GPM6A: variants seen among roughly 807,000 people sequenced by gnomAD.
GPM6A encodes the protein neuronal membrane glycoprotein M6-a.
A neutral mutation model predicts 32.1 loss-of-function variants in GPM6A; 7 were observed. That is an observed-to-expected ratio of 0.22 (90% CI 0.12 to 0.41). The LOEUF (loss-of-function observed/expected upper bound fraction) is 0.41, where lower values mean the gene tolerates loss of function less well. GPM6A is among the 10% of genes least tolerant of loss of function. The pLI is 1.00. For synonymous variants in GPM6A, 130 were observed against 123.4 expected (o/e 1.05, Z -0.35); for missense variants, 235 against 347.2 (o/e 0.68, Z 2.57).
intron 1 of GPM6A, among the ~76,000 whole-genome samples, chr4:175,973,880 G>C (rs1740581273): frequency 6.6e-6 from 1 of 151,786 alleles, no homozygotes; most frequent in Non-Finnish European, 1.5e-5. Context: ...TTTTTCACCA[G>C]CTTTTATTGC....
At chr4:175,699,672 T>C (rs989406787) in intron 2 of GPM6A, among the ~76,000 whole-genome samples, 2 of 152,018 alleles carry the variant, frequency 1.3e-5, no homozygotes, top group African/African-American at 2.4e-5. Flanking sequence ...GGGGACTGGG[T>C]TTTCTCAATC....
At chr4:175,899,959 C>T (rs1330022715) in intron 1 of GPM6A, among the ~76,000 whole-genome samples, 2 of 152,008 alleles carry the variant, frequency 1.3e-5, no homozygotes, top group Non-Finnish European at 2.9e-5. Context: ...AAGATATTTG[C>T]AAACTACCCA....
intron 1 of GPM6A, among the ~76,000 whole-genome samples, chr4:175,849,273 G>A (rs773312460): frequency 4.6e-5 from 7 of 152,176 alleles, no homozygotes; most frequent in Non-Finnish European, 1.0e-4. Context: ...ATGGGGCCTT[G>A]TGACTAATTC....
intron 3 of GPM6A, among the ~76,000 whole-genome samples, chr4:175,661,522 G>A (rs1387830545): frequency 6.6e-6 from 1 of 151,922 alleles, no homozygotes; most frequent in African/African-American, 2.4e-5. Flanking sequence ...AGAAGGCCAT[G>A]CTAAAATGTA....
At chr4:175,638,108 A>G (rs1740921190) in intron 6 of GPM6A, among the ~76,000 whole-genome samples, 1 of 150,416 alleles carries the variant, frequency 6.6e-6, no homozygotes, top group South Asian at 2.1e-4. Context: ...AGGACTTCCT[A>G]ACTTCTCTAC....
chr4:175,766,113 A>T (rs1443085149), intron 1 of GPM6A, among the ~76,000 whole-genome samples: 1 of 152,210 alleles, frequency 6.6e-6, no homozygotes, highest in Admixed American at 6.5e-5. Context: ...ATGAGACTGT[A>T]AGCCCAGTGG....
chr4:175,784,630 G>A (rs546214710), intron 1 of GPM6A, among the ~76,000 whole-genome samples: 1 of 152,172 alleles, frequency 6.6e-6, no homozygotes, highest in East Asian at 1.9e-4. Context: ...AATAATGAAT[G>A]TGAATTATAA....
intron 1 of GPM6A, among the ~76,000 whole-genome samples, chr4:175,965,444 A>G (rs1410522551): frequency 6.6e-6 from 1 of 152,188 alleles, no homozygotes; most frequent in Non-Finnish European, 1.5e-5. Flanking sequence ...TAATTAAAGT[A>G]GAATACAAGA....
At chr4:175,671,994 A>AAAAG (rs202122371) in intron 3 of GPM6A, among the ~76,000 whole-genome samples, 60,049 of 147,084 alleles carry the variant, frequency 0.41, 14,782 homozygotes, top group Admixed American at 0.54. Context: ...GAAAAAAAAA[A>AAAAG]AAAGAAAGAA....
At chr4:175,734,210 C>T in intron 1 of GPM6A, among the ~76,000 whole-genome samples, 1 of 150,944 alleles carries the variant, frequency 6.6e-6, no homozygotes, top group Non-Finnish European at 1.5e-5. Flanking sequence ...TTACTTGCAA[C>T]TCTTCAATTT....
At chr4:175,680,740 C>A (rs188521857) in intron 2 of GPM6A, among the ~76,000 whole-genome samples, 3 of 152,232 alleles carry the variant, frequency 2.0e-5, no homozygotes, top group Non-Finnish European at 2.9e-5. Flanking sequence ...TTCATTGGAT[C>A]CTTGATTATC....
chr4:175,863,817 C>A (rs944862547), intron 1 of GPM6A, among the ~76,000 whole-genome samples: 3 of 152,046 alleles, frequency 2.0e-5, no homozygotes, highest in African/African-American at 4.8e-5. Context: ...GCCTGGCCAA[C>A]AAAGTGAAAC....
chr4:175,655,420 C>T (rs75847380), intron 3 of GPM6A, among the ~76,000 whole-genome samples: 480 of 151,926 alleles, frequency 3.2e-3, no homozygotes, highest in Non-Finnish European at 5.8e-3. Context: ...CGTAATCCTA[C>T]GTAGAAAATC....
At chr4:175,909,376 A>G (rs530362572) in intron 1 of GPM6A, among the ~76,000 whole-genome samples, 1 of 152,318 alleles carries the variant, frequency 6.6e-6, no homozygotes, top group Admixed American at 6.5e-5. Flanking sequence ...AGATTTAATC[A>G]TCCCGATAAT....
intron 1 of GPM6A, among the ~76,000 whole-genome samples, chr4:175,823,714 C>T (rs781529685): frequency 2.6e-5 from 4 of 152,138 alleles, no homozygotes; most frequent in South Asian, 2.1e-4. Flanking sequence ...TTTGCTTATA[C>T]GTTAAATTGC....
chr4:175,884,815 T>C (rs781584950), intron 1 of GPM6A, among the ~76,000 whole-genome samples: 1 of 152,142 alleles, frequency 6.6e-6, no homozygotes, highest in Non-Finnish European at 1.5e-5. Flanking sequence ...ATTACAGGGG[T>C]TAGCCACCGT....
At chr4:175,735,789 T>G (rs1052079877) in intron 1 of GPM6A, among the ~76,000 whole-genome samples, 1 of 152,176 alleles carries the variant, frequency 6.6e-6, no homozygotes, top group Non-Finnish European at 1.5e-5. Flanking sequence ...CTCAAACTCC[T>G]GACCTCATGA....
chr4:175,799,998 A>ACTT (rs10688960), intron 1 of GPM6A, among the ~76,000 whole-genome samples: 91,869 of 151,674 alleles, frequency 0.61, 28,087 homozygotes, highest in African/African-American at 0.68. Flanking sequence ...TTTTCATTCA[A>ACTT]CTTGTGGACC....
intron 4 of GPM6A, among the ~76,000 whole-genome samples, chr4:175,644,121 GTTTTTTT>G (rs781755092): frequency 9.1e-6 from 1 of 110,380 alleles, no homozygotes; most frequent in African/African-American, 3.4e-5. Context: ...TTTTCCGTTT[GTTTTTTT>G]TTTTTTTTTT....
Sources: allele counts gnomAD v4.1 joint callset (sites outside exome capture counted in the v4.1 genomes callset), GRCh38; gene constraint gnomAD v4.1.1; transcripts MANE v1.5; gene names NCBI Gene and HGNC (gene_info 2026-07-23, HGNC 2026-07-21).